Variants in OR10H1 observed in about 807,000 individuals in gnomAD.
OR10H1 encodes olfactory receptor 10H1.
Under a neutral mutation model 13.1 loss-of-function variants are expected in OR10H1, and 12 were observed. That is an observed-to-expected ratio of 0.92 (90% CI 0.59 to 1.48). OR10H1 has a LOEUF of 1.48. OR10H1 is among the 40% of genes most tolerant of loss of function. The pLI is 0.00. For missense variants in OR10H1, 363 were observed against 413.1 expected (o/e 0.88, Z 1.05); for synonymous variants, 168 against 175.6 (o/e 0.96, Z 0.34).
chr19:15,808,939 C>G (rs1403948727), intron 2 of OR10H1, 98 bp from the exon 3 acceptor site: 2 of 152,194 alleles, frequency 1.3e-5, no homozygotes, highest in East Asian at 1.9e-4. Flanking sequence ...TGCCCTCCTA[C>G]TCCCTTCTGA....
At position 15,807,071 on chromosome 19, in the gene OR10H1, T is replaced by C. The variant is rs757802991; in HGVS notation, c.*10A>G. The C allele has an allele frequency of 9.4e-6, 15 of 1,602,104 alleles. No individual in the cohort carries two copies. Among genetic ancestry groups the C allele is most frequent in the Non-Finnish European group, 1.2e-5 (14 of 1,172,850 alleles). On this transcript the variant is annotated 3_prime_UTR_variant, in exon 4 of 4. Transcript: ENST00000641419. ...GGTAATCCAATTTAGTTGTTCCCAG[T>C]GAATTTCTCCTACATCATTACATTT...
Position 15,807,645 on chromosome 19 carries a change from G to A in OR10H1, c.393C>T (p.Arg131=), listed in dbSNP as rs61739573. The part of the protein sequence containing the change: ...DRYVAICHPL[R]YNVLMSPRGC... ...CCCGCGGGCTCATGAGCACGTTGTA[G>A]CGCAGGGGGTGGCAGATGGCCACGT... The change falls in exon 4 of 4, where the codon CGC becomes CGT. Residue 131 remains arginine (R), a synonymous_variant. Transcript: ENST00000641419. 440,074 of 1,613,578 alleles carry A rather than the reference G, an allele frequency of 0.27. 62,747 individuals are homozygous for A. Among genetic ancestry groups the A allele is most frequent in the Middle Eastern group, 0.3 (1,830 of 6,058 alleles).
chr19:15,814,353 A>T (rs1412560269), intron 1 of OR10H1, among the ~76,000 whole-genome samples: 2 of 151,112 alleles, frequency 1.3e-5, no homozygotes, highest in Non-Finnish European at 3.0e-5. Flanking sequence ...CCTCTCTTCC[A>T]CTTAAGCCAC....
rs564559331 is a variant in OR10H1 at position 15,814,124 on chromosome 19, C to T, written c.-777-1246G>A. On this transcript the variant is annotated intron_variant, in intron 1 of 3. Transcript: ENST00000641419. The stretch of plus-strand genomic sequence containing the variant: ...CTCTCTCAGAGGGGTGTCCTGTGCA[C>T]TGCAGGAGACTGAGCAGCATTCTTG... Among the ~76,000 whole-genome samples the T allele has an allele frequency of 2.0e-5, 3 of 152,168 alleles. No homozygotes were observed. In the South Asian group the frequency reaches 6.2e-4, roughly 32 times the overall value.
In OR10H1 at chr19:15,807,627, G is replaced by T. The variant is rs759214532; in HGVS notation, c.411C>A (p.Ser137Arg). ...CHPLRYNVLMSPRGCACLVGC... is the reference protein window; with the variant it reads ...CHPLRYNVLMRPRGCACLVGC... ...CCACCAGGCAGGCGCAGCCCCGCGG[G>T]CTCATGAGCACGTTGTAGCGCAGGG... Residue 137 changes from serine to arginine, a missense_variant, in exon 4 of 4, where the codon AGC becomes AGA. Around this residue, in one of 3 missense-constraint regions of OR10H1, gnomAD observed 318 missense variants for 366.6 expected, o/e 0.87. Transcript: ENST00000641419. 1.9e-6 allele frequency: 3 copies of T among 1,614,056 alleles called. No homozygotes were observed. Among genetic ancestry groups the T allele is most frequent in the Non-Finnish European group, 2.5e-6 (3 of 1,180,034 alleles).
intron 2 of OR10H1, among the ~76,000 whole-genome samples, chr19:15,809,279 T>C (rs2088920256): frequency 1.7e-5 from 1 of 58,696 alleles, no homozygotes; most frequent in South Asian, 3.5e-4. Flanking sequence ...TTTATTTATT[T>C]ATTTATGTAT....
In OR10H1 at chr19:15,812,317, G is replaced by C. The variant is rs1427075947; in HGVS notation, c.-216C>G. On this transcript the variant is annotated 5_prime_UTR_variant, in exon 2 of 4. The change creates a new upstream start codon in the 5' untranslated region. Transcript: ENST00000641419. ...ACACACTCTTGTTCATATCAATTCA[G>C]ATCACAAGAATCGACAGCGAGTGAG... 1 of 151,404 alleles carries C rather than the reference G, an allele frequency of 6.6e-6. No homozygotes were observed. The highest frequency in any genetic ancestry group is 2.4e-5 in the African/African-American group (1 of 41,064). 9.4% of individuals were successfully genotyped at this position (151,404 alleles called of 1,614,324 possible). A position where few individuals can be genotyped will look rare whatever the true frequency, so the allele number is the denominator to read the frequency against.
rs1485810255 is a variant in OR10H1, at chr19:15,806,820, C to G, written c.*261G>C. On this transcript the variant is annotated 3_prime_UTR_variant, in exon 4 of 4. Transcript: ENST00000641419. Reference sequence around the variant, plus strand: ...TCAGCTCACTGCAACCTCCACCTACCGGGTCAAGCGATTCTTATGCCTCAG... The same window carrying G: ...TCAGCTCACTGCAACCTCCACCTACGGGGTCAAGCGATTCTTATGCCTCAG... 7.3e-6 allele frequency: 3 copies of G among 413,720 alleles called. No individual in the cohort carries two copies. Among genetic ancestry groups the G allele is most frequent in the African/African-American group, 4.1e-5 (2 of 49,300 alleles). The allele number at this position is 413,720 out of a possible 1,614,324, so 25.6% of individuals were successfully genotyped here.
chr19:15,815,200 G>T (rs1036402457), intron 1 of OR10H1, among the ~76,000 whole-genome samples: 1 of 152,108 alleles, frequency 6.6e-6, no homozygotes, highest in African/African-American at 2.4e-5. Context: ...AATTAGCCAG[G>T]CATGGTGGCA....
chr19:15,807,048 T>C lies in OR10H1; in HGVS notation c.*33A>G. The C allele has an allele frequency of 6.3e-7, 1 of 1,576,478 alleles. No individual in the cohort carries two copies. The highest frequency in any genetic ancestry group is 1.7e-5 in the Admixed American group (1 of 57,472). ...CGTAATTTTTAACAATAGCCTTCGG[T>C]AATCCAATTTAGTTGTTCCCAGTGA... On this transcript the variant is annotated 3_prime_UTR_variant, in exon 4 of 4. Transcript: ENST00000641419.
intron 1 of OR10H1, among the ~76,000 whole-genome samples, chr19:15,814,807 C>A (rs2088957640): frequency 6.6e-6 from 1 of 152,102 alleles, no homozygotes; most frequent in South Asian, 2.1e-4. Flanking sequence ...ACCCGGCCCA[C>A]CCTGATTCTT....
At chr19:15,810,328 T>A (rs1347888785) in intron 2 of OR10H1, among the ~76,000 whole-genome samples, 3 of 147,400 alleles carry the variant, frequency 2.0e-5, no homozygotes, top group Admixed American at 6.8e-5. Context: ...AAACTACCAC[T>A]CTGCTTTCTG....
chr19:15,808,115 C>A, intron 3 of OR10H1, 67 bp from the exon 4 acceptor site: 9 of 1,332,538 alleles, frequency 6.8e-6, no homozygotes, highest in Non-Finnish European at 9.5e-6. Flanking sequence ...CTTCCCCATA[C>A]CTGGATTTGC....
chr19:15,804,598 C>G lies in OR10H1; in HGVS notation c.*2483G>C, dbSNP rs889781158. 14 of 152,114 alleles carry G rather than the reference C, an allele frequency of 9.2e-5. No homozygotes were observed. The highest frequency in any genetic ancestry group is 3.4e-4 in the African/African-American group (14 of 41,422). 9.4% of individuals were successfully genotyped at this position (152,114 alleles called of 1,614,324 possible). A position where few individuals can be genotyped will look rare whatever the true frequency, so the allele number is the denominator to read the frequency against. On this transcript the variant is annotated 3_prime_UTR_variant, in exon 4 of 4. Transcript: ENST00000641419. ...CATAGTATTCCATGGTGTATATGTG[C>G]CACATTTTCTTAATCCAGTCTATCA...
chr19:15,813,903 A>C (rs140253564), intron 1 of OR10H1, among the ~76,000 whole-genome samples: 1,885 of 151,964 alleles, frequency 0.012, 20 homozygotes, highest in Non-Finnish European at 0.019. Context: ...GACAGAGGGG[A>C]AAGAGAAGAA....
chr19:15,812,665 C>CAGGA lies in OR10H1; in HGVS notation c.-568_-565dup, dbSNP rs199974738. 4 of 72,120 alleles carry CAGGA rather than the reference C, an allele frequency of 5.5e-5. No homozygotes were observed. Among genetic ancestry groups the CAGGA allele is most frequent in the Admixed American group, 1.8e-4 (1 of 5,686 alleles). 4.5% of individuals were successfully genotyped at this position (72,120 alleles called of 1,614,324 possible). A position where few individuals can be genotyped will look rare whatever the true frequency, so the allele number is the denominator to read the frequency against. ...GAAGGAAGAAAGGGAGGGAGGGAGG[C>CAGGA]AGGAAGGAAGGAAGGAGAGTGAGGG... On this transcript the variant is annotated 5_prime_UTR_variant, in exon 2 of 4. It removes the in-frame stop codon of an upstream open reading frame in the 5' UTR. Coordinates refer to ENST00000641419, the MANE Select transcript of OR10H1 (RefSeq NM_013940.4).
At chr19:15,808,276 T>C (rs567250203) in intron 3 of OR10H1, 65 of 540,952 alleles carry the variant, frequency 1.2e-4, no homozygotes, top group Middle Eastern at 4.9e-4. Flanking sequence ...TATTGAAATG[T>C]AGAGCTTGCT....
rs948635918 is a variant in OR10H1, at chr19:15,804,940, T to G, written c.*2141A>C. ...TAACTGGTGTGAGATGATATCTCAT[T>G]GTGGTTTCCATTTGCATTTCTCTGA... On this transcript the variant is annotated 3_prime_UTR_variant, in exon 4 of 4. Coordinates refer to ENST00000641419, the MANE Select transcript of OR10H1 (RefSeq NM_013940.4). 6.6e-6 allele frequency: 1 copy of G among 152,234 alleles called. No individual in the cohort carries two copies. The highest frequency in any genetic ancestry group is 1.5e-5 in the Non-Finnish European group (1 of 68,050). 9.4% of individuals were successfully genotyped at this position (152,234 alleles called of 1,614,324 possible).
chr19:15,809,254 T>A (rs1351345253), intron 2 of OR10H1, among the ~76,000 whole-genome samples: 1 of 150,120 alleles, frequency 6.7e-6, no homozygotes, highest in Admixed American at 6.7e-5. Context: ...CTGGCTGTTG[T>A]GTAATGATTA....
Sources: gnomAD v4.1 joint callset for allele counts (sites outside exome capture counted in the v4.1 genomes callset) on GRCh38, gnomAD v4.1.1 for gene constraint, gnomAD v4.1.1 regional missense constraint, MANE v1.5 for transcripts, NCBI Gene and HGNC (gene_info 2026-07-23, HGNC 2026-07-21) for gene names.